BLM: variants seen among roughly 807,000 people sequenced by gnomAD.
BLM encodes the protein BLM RecQ like helicase, also known as recQ-like DNA helicase BLM.
Under a neutral mutation model 135.3 loss-of-function variants are expected in BLM, and 95 were observed. The ratio of observed to expected loss-of-function variants is 0.70; its 90% CI spans 0.59 to 0.83. BLM has a LOEUF of 0.83. Among genes scored for constraint, BLM ranks in the 40% least tolerant of loss-of-function variants. The pLI, the probability that BLM is intolerant of heterozygous loss-of-function variation, is 0.00. For missense variants in BLM, 1,518 were observed against 1,663.9 expected (o/e 0.91, Z 1.53); for synonymous variants, 520 against 589.2 (o/e 0.88, Z 1.70).
At chr15:90,790,875 G>A in intron 15 of BLM, 31 bp downstream of exon 15, 1 of 1,587,742 alleles carries the variant, frequency 6.3e-7, no homozygotes, top group Non-Finnish European at 8.6e-7. Flanking sequence ...GAGACATTCT[G>A]TCATCTTCAG....
chr15:90,732,128 T>C (rs1895085305), intron 1 of BLM, among the ~76,000 whole-genome samples: 2 of 152,234 alleles, frequency 1.3e-5, no homozygotes, highest in South Asian at 2.1e-4. Flanking sequence ...TTTTTATGTG[T>C]AGATTTCCAT....
rs1285070673 is a variant in BLM at position 90,767,039 on chromosome 15, A to G, written c.2307+16A>G. ...TCCAGAAAAGGTTTGTATTTATATC[A>G]TTATTTTAAAATATATTAAAGACCA... On this transcript the variant is annotated intron_variant, in intron 10 of 21. Coordinates refer to ENST00000355112, the MANE Select transcript of BLM (RefSeq NM_000057.4). 7.0e-7 allele frequency: 1 copy of G among 1,430,590 alleles called. No individual in the cohort carries two copies. Among genetic ancestry groups the G allele is most frequent in the South Asian group, 1.2e-5 (1 of 81,820 alleles). The allele number at this position is 1,430,590 out of a possible 1,614,324, so 88.6% of individuals were successfully genotyped here. A position where few individuals can be genotyped will look rare whatever the true frequency, so the allele number is the denominator to read the frequency against.
In BLM at chr15:90,803,682, G is replaced by A. The variant is rs776156059; in HGVS notation, c.3520G>A (p.Gly1174Arg). 10 of 1,614,064 alleles carry A rather than the reference G, an allele frequency of 6.2e-6. No individual in the cohort carries two copies. The highest frequency in any genetic ancestry group is 1.7e-5 in the Admixed American group (1 of 60,002). Residue 1174 changes from glycine (G) to arginine (R), a missense_variant, in exon 18 of 22, where the codon GGA becomes AGA. By Grantham distance (125) the Gly-to-Arg change is moderately radical. Transcript: ENST00000355112. Reference sequence around the variant, plus strand: ...CCAGGCGATCGCTTATGTGATGCTCGGAAATAAAGCCCAAACTGTACTAAA... The same window carrying A: ...CCAGGCGATCGCTTATGTGATGCTCAGAAATAAAGCCCAAACTGTACTAAA... ...NDQAIAYVML[G>R]NKAQTVLNGN...
intron 1 of BLM, among the ~76,000 whole-genome samples, chr15:90,723,635 A>T (rs1894827993): frequency 6.6e-6 from 1 of 152,204 alleles, no homozygotes; most frequent in Non-Finnish European, 1.5e-5. Flanking sequence ...CCTGAGTGAC[A>T]GAGCAAGACC....
intron 1 of BLM, among the ~76,000 whole-genome samples, chr15:90,731,667 A>G (rs1895072220): frequency 6.6e-6 from 1 of 152,180 alleles, no homozygotes; most frequent in African/African-American, 2.4e-5. Flanking sequence ...AGTTGTTCAT[A>G]ACAGCCTAAT....
chr15:90,801,289 C>T (rs1171887841), intron 17 of BLM, among the ~76,000 whole-genome samples: 1 of 152,064 alleles, frequency 6.6e-6, no homozygotes, highest in African/African-American at 2.4e-5. Flanking sequence ...AATTTGTCAT[C>T]ATGTAAACAA....
In BLM at chr15:90,741,406, A is replaced by G. The variant is rs143640599; in HGVS notation, c.-4-5983A>G. On this transcript the variant is annotated intron_variant, in intron 1 of 21. Transcript: ENST00000355112. ...TGCTTGGAATTTTTTGGCTTTCTCA[A>G]ATCTGAAGGTTAGTGTCTTTAATTA... Among the ~76,000 whole-genome samples the G allele has an allele frequency of 4.5e-3, 688 of 152,244 alleles. 4 individuals carry two copies. Among genetic ancestry groups the G allele is most frequent in the African/African-American group, 0.016 (668 of 41,562 alleles).
intron 3 of BLM, 36 bp downstream of exon 3, chr15:90,750,103 T>TTTTTATGTAGTA: frequency 6.2e-7 from 1 of 1,600,226 alleles, no homozygotes; most frequent in Non-Finnish European, 8.6e-7. Context: ...AGTATGTTCA[T>TTTTTATGTAGTA]TGTACTTTTT....
At position 90,774,066 on chromosome 15, in the gene BLM, CTTTTTTTTTT is replaced by C. The variant is rs61323062; in HGVS notation, c.2555+4497_2555+4506del. Among the ~76,000 whole-genome samples the C allele has an allele frequency of 6.5e-5, 5 of 76,866 alleles. No individual in the cohort carries two copies. In the East Asian group the frequency reaches 2.0e-3, roughly 30 times the overall value. 50.4% of individuals were successfully genotyped at this position (76,866 alleles called of 152,430 possible). A position where few individuals can be genotyped will look rare whatever the true frequency, so the allele number is the denominator to read the frequency against. Reference sequence around the variant, plus strand: ...AAACTAGTTTTCAAAGTGCCTCCGTCTTTTTTTTTTTTTTTTTTTTTTTTTTGAGGCGGAG... The same window carrying C: ...AAACTAGTTTTCAAAGTGCCTCCGTCTTTTTTTTTTTTTTTTGAGGCGGAG... On this transcript the variant is annotated intron_variant, in intron 12 of 21. Transcript: ENST00000355112.
intron 14 of BLM, among the ~76,000 whole-genome samples, chr15:90,788,929 C>T (rs955447696): frequency 1.5e-4 from 23 of 149,622 alleles, no homozygotes; most frequent in African/African-American, 5.7e-4. Flanking sequence ...GCCAAAATCA[C>T]GCCACTGCAT....
chr15:90,744,976 G>A (rs1284995289), intron 1 of BLM, among the ~76,000 whole-genome samples: 1 of 151,994 alleles, frequency 6.6e-6, no homozygotes, highest in African/African-American at 2.4e-5. Flanking sequence ...ACTTGAGCTG[G>A]GGAGGCGGAG....
At chr15:90,778,405 T>C (rs1265683899) in intron 12 of BLM, among the ~76,000 whole-genome samples, 2 of 152,222 alleles carry the variant, frequency 1.3e-5, no homozygotes, top group African/African-American at 4.8e-5. Flanking sequence ...AATTCCCATA[T>C]TTAAAAAGTA....
intron 14 of BLM, among the ~76,000 whole-genome samples, chr15:90,788,793 C>T (rs1896823572): frequency 6.6e-6 from 1 of 151,488 alleles, no homozygotes. Flanking sequence ...GGCAACATGG[C>T]GAAACCCCAT....
intron 1 of BLM, among the ~76,000 whole-genome samples, chr15:90,721,741 G>A (rs1596193487): frequency 6.6e-6 from 1 of 151,466 alleles, no homozygotes; most frequent in East Asian, 2.0e-4. Flanking sequence ...GACCAGTGTG[G>A]CCAACATGAT....
intron 9 of BLM, 66 bp downstream of exon 9, chr15:90,765,480 C>T (rs1220472466): frequency 4.0e-6 from 5 of 1,246,744 alleles, no homozygotes; most frequent in Non-Finnish European, 5.8e-6. Context: ...CTCTGGATAA[C>T]CTTTTTATTA....
chr15:90,802,540 G>C (rs1475160934), intron 17 of BLM, among the ~76,000 whole-genome samples: 1 of 152,114 alleles, frequency 6.6e-6, no homozygotes, highest in African/African-American at 2.4e-5. Context: ...ATTTGAATAG[G>C]CTTCATTAGT....
rs58466663 is a variant in BLM, at chr15:90,779,211, G to A, written c.2556-3611G>A. ...ATGTTTAACGTTTTAAAGAACTGTC[G>A]CACTGTTTTCCAAAGTGGCTGTGCC... On this transcript the variant is annotated intron_variant, in intron 12 of 21. Coordinates refer to ENST00000355112, the MANE Select transcript of BLM (RefSeq NM_000057.4). Among the ~76,000 whole-genome samples, 484 of 152,126 alleles carry A rather than the reference G, an allele frequency of 3.2e-3. 4 individuals are homozygous for A. Among genetic ancestry groups the A allele is most frequent in the African/African-American group, 0.01 (431 of 41,516 alleles).
intron 12 of BLM, among the ~76,000 whole-genome samples, chr15:90,776,654 C>T (rs1435444577): frequency 5.3e-5 from 8 of 152,046 alleles, no homozygotes. Flanking sequence ...GCCAAGTAGC[C>T]AGGACTACAG....
chr15:90,785,188 T>C (rs144629112), intron 14 of BLM, 107 bp downstream of exon 14: 1 of 1,225,866 alleles, frequency 8.2e-7, no homozygotes, highest in African/African-American at 1.5e-5. Flanking sequence ...GTAGTAAACA[T>C]CAAAATAAGA....
Sources: allele counts gnomAD v4.1 joint callset (sites outside exome capture counted in the v4.1 genomes callset), GRCh38; gene constraint gnomAD v4.1.1; transcripts MANE v1.5; gene names NCBI Gene and HGNC (gene_info 2026-07-23, HGNC 2026-07-21).